PKIB: variants seen among roughly 807,000 people sequenced by gnomAD.
PKIB encodes cAMP-dependent protein kinase inhibitor beta.
A neutral mutation model predicts 4.5 loss-of-function variants in PKIB; 2 were observed. The ratio of observed to expected loss-of-function variants is 0.44; its 90% CI spans 0.18 to 1.39. PKIB has a LOEUF of 1.39. Ranked by LOEUF, PKIB falls within the 40% of genes most tolerant of loss-of-function variation. The pLI is 0.27. For synonymous variants in PKIB, 38 were observed against 36.0 expected, an observed-to-expected ratio of 1.06 and a Z score of -0.20; for missense variants, 94 against 92.6, an observed-to-expected ratio of 1.02 and a Z score of -0.06.
chr6:122,497,571 T>C (rs964398447), intron 2 of PKIB, among the ~76,000 whole-genome samples: 3 of 152,124 alleles, frequency 2.0e-5, no homozygotes, highest in Admixed American at 6.6e-5. Flanking sequence ...GGGTCATTAT[T>C]CTTAGACAAA....
chr6:122,631,268 T>C (rs1160956068), intron 1 of PKIB, among the ~76,000 whole-genome samples: 1 of 152,230 alleles, frequency 6.6e-6, no homozygotes, highest in Non-Finnish European at 1.5e-5. Context: ...AGTCGAGTTA[T>C]TTTAATTAAA....
chr6:122,711,024 A>T (rs1779253385), intron 3 of PKIB, among the ~76,000 whole-genome samples: 1 of 152,086 alleles, frequency 6.6e-6, no homozygotes, highest in Non-Finnish European at 1.5e-5. Flanking sequence ...AAGCTAAACT[A>T]TATAAAATGT....
chr6:122,603,601 C>T (rs1406227215), intron 3 of PKIB, among the ~76,000 whole-genome samples: 2 of 152,176 alleles, frequency 1.3e-5, no homozygotes, highest in Non-Finnish European at 2.9e-5. Flanking sequence ...GCCTCAGACT[C>T]TCTGGAGTAG....
At chr6:122,572,277 G>A (rs1773389722) in intron 2 of PKIB, among the ~76,000 whole-genome samples, 1 of 151,902 alleles carries the variant, frequency 6.6e-6, no homozygotes. Flanking sequence ...CCTAACACAG[G>A]AGCTCCAAGA....
intron 2 of PKIB, among the ~76,000 whole-genome samples, chr6:122,524,244 T>C (rs1486317663): frequency 5.4e-5 from 8 of 146,812 alleles, no homozygotes; most frequent in Admixed American, 2.7e-4. Flanking sequence ...TCATCCTCCT[T>C]CTTTTTCTTT....
intron 3 of PKIB, among the ~76,000 whole-genome samples, chr6:122,592,419 A>G (rs537226631): frequency 6.6e-6 from 1 of 152,208 alleles, no homozygotes; most frequent in Non-Finnish European, 1.5e-5. Flanking sequence ...GGGTTTGAGT[A>G]AATTCTGAAA....
At chr6:122,488,111 T>G (rs1261863500) in intron 2 of PKIB, among the ~76,000 whole-genome samples, 2 of 152,154 alleles carry the variant, frequency 1.3e-5, no homozygotes, top group African/African-American at 4.8e-5. Context: ...TCTCAATATG[T>G]TCTTATTATG....
intron 2 of PKIB, among the ~76,000 whole-genome samples, chr6:122,518,100 G>A (rs966268334): frequency 1.3e-5 from 2 of 152,088 alleles, no homozygotes; most frequent in Admixed American, 6.5e-5. Context: ...AATAAATGTG[G>A]CTGTGTCCCA....
chr6:122,556,216 GGACGTGTTT>G (rs1424911541), intron 2 of PKIB, among the ~76,000 whole-genome samples: 3 of 152,126 alleles, frequency 2.0e-5, no homozygotes, highest in Admixed American at 6.6e-5. Context: ...ATGTGAAGAA[GGACGTGTTT>G]TCTTCCCCTT....
At chr6:122,654,561 A>G (rs1285440945) in intron 2 of PKIB, among the ~76,000 whole-genome samples, 1 of 152,192 alleles carries the variant, frequency 6.6e-6, no homozygotes, top group Non-Finnish European at 1.5e-5. Context: ...TGCTATGTAC[A>G]GGGTTCTTAA....
At chr6:122,669,025 G>A (rs1777343483) in intron 2 of PKIB, among the ~76,000 whole-genome samples, 1 of 152,068 alleles carries the variant, frequency 6.6e-6, no homozygotes, top group Non-Finnish European at 1.5e-5. Flanking sequence ...GACCAGCCTG[G>A]AAAATATATT....
chr6:122,522,296 A>G (rs980168939), intron 2 of PKIB, among the ~76,000 whole-genome samples: 21 of 152,228 alleles, frequency 1.4e-4, no homozygotes, highest in African/African-American at 4.8e-4. Flanking sequence ...ATTTCAAGCC[A>G]GTGGATCTTA....
At chr6:122,543,533 C>A (rs1171830008) in intron 2 of PKIB, among the ~76,000 whole-genome samples, 1 of 151,862 alleles carries the variant, frequency 6.6e-6, no homozygotes, top group African/African-American at 2.4e-5. Flanking sequence ...GTGCCTGCAA[C>A]CATGCCCAGC....
chr6:122,710,737 G>A (rs1779241707), intron 3 of PKIB, among the ~76,000 whole-genome samples: 1 of 152,146 alleles, frequency 6.6e-6, no homozygotes, highest in African/African-American at 2.4e-5. Flanking sequence ...TACTTACTGT[G>A]CCAAATTCCA....
At chr6:122,517,578 T>G (rs1776800230) in intron 2 of PKIB, among the ~76,000 whole-genome samples, 1 of 152,208 alleles carries the variant, frequency 6.6e-6, no homozygotes, top group Non-Finnish European at 1.5e-5. Context: ...TGTCTAACCC[T>G]TCTCCTGTTT....
At chr6:122,654,419 T>C (rs903729100) in intron 2 of PKIB, among the ~76,000 whole-genome samples, 6 of 152,122 alleles carry the variant, frequency 3.9e-5, no homozygotes, top group African/African-American at 1.4e-4. Context: ...GAGATGAGAG[T>C]TGTCCTTCCT....
At chr6:122,656,652 G>A (rs1488980742) in intron 2 of PKIB, among the ~76,000 whole-genome samples, 2 of 152,138 alleles carry the variant, frequency 1.3e-5, no homozygotes, top group African/African-American at 2.4e-5. Context: ...GAAGTGAGGG[G>A]GCAAGAAAGT....
chr6:122,677,300 C>A (rs1777709155), intron 3 of PKIB, among the ~76,000 whole-genome samples: 2 of 152,102 alleles, frequency 1.3e-5, no homozygotes, highest in African/African-American at 4.8e-5. Flanking sequence ...TGAAGCAAGG[C>A]CTTGGAACTT....
At chr6:122,634,007 A>G (rs2492944) in intron 2 of PKIB, among the ~76,000 whole-genome samples, 150,052 of 152,096 alleles carry the variant, frequency 0.99, 74,039 homozygotes, top group Middle Eastern at 1. Flanking sequence ...GTATATATTC[A>G]TACTTGCCTA....
Sources: gnomAD v4.1 joint callset for allele counts (sites outside exome capture counted in the v4.1 genomes callset) on GRCh38, gnomAD v4.1.1 for gene constraint, MANE v1.5 for transcripts, NCBI Gene and HGNC (gene_info 2026-07-23, HGNC 2026-07-21) for gene names.